LIN28B: variants seen among roughly 807,000 people sequenced by gnomAD.
LIN28B encodes the protein lin-28 RNA binding posttranscriptional regulator B, also known as protein lin-28 homolog B.
LIN28B carries 5 observed loss-of-function variants against 21.9 expected under a neutral mutation model. That is an observed-to-expected ratio of 0.23 (90% CI 0.12 to 0.48). LIN28B has a LOEUF of 0.48. LIN28B is among the 20% of genes least tolerant of loss of function. The pLI is 0.98. For missense variants in LIN28B, 245 were observed against 310.5 expected, an observed-to-expected ratio of 0.79 and a Z score of 1.58; for synonymous variants, 109 against 111.3, an observed-to-expected ratio of 0.98 and a Z score of 0.13.
intron 3 of LIN28B, among the ~76,000 whole-genome samples, chr6:104,951,586 A>G (rs1406282721): frequency 6.6e-6 from 1 of 151,966 alleles, no homozygotes; most frequent in African/African-American, 2.4e-5. Context: ...CAGTTCAGAG[A>G]CCTTTTTCTT....
At chr6:104,944,382 G>C (rs1170926389) in intron 2 of LIN28B, among the ~76,000 whole-genome samples, 1 of 151,934 alleles carries the variant, frequency 6.6e-6, no homozygotes, top group East Asian at 1.9e-4. Context: ...TGACACTACT[G>C]GTAAGATAGA....
At chr6:104,993,833 CAA>C (rs568787406) in intron 2 of LIN28B, among the ~76,000 whole-genome samples, 28 of 89,140 alleles carry the variant, frequency 3.1e-4, no homozygotes, top group African/African-American at 8.5e-4. Context: ...GAGATTGTCT[CAA>C]AAAAAAAAAA....
At chr6:104,985,233 A>G (rs1350836702) in intron 2 of LIN28B, among the ~76,000 whole-genome samples, 1 of 152,264 alleles carries the variant, frequency 6.6e-6, no homozygotes, top group Non-Finnish European at 1.5e-5. Context: ...TTTATTTAAT[A>G]TGAGCTTTAT....
intron 2 of LIN28B, among the ~76,000 whole-genome samples, chr6:104,973,636 G>A (rs1409201908): frequency 6.6e-6 from 1 of 152,320 alleles, no homozygotes; most frequent in East Asian, 1.9e-4. Flanking sequence ...CAGAAGTGTC[G>A]TTCCTTGACG....
chr6:105,028,229 G>A (rs1353965052), intron 3 of LIN28B, among the ~76,000 whole-genome samples: 2 of 152,158 alleles, frequency 1.3e-5, no homozygotes, highest in African/African-American at 4.8e-5. Flanking sequence ...TGAAGAGTAA[G>A]ATGGCAGGAC....
chr6:104,971,868 G>T (rs566229586), intron 2 of LIN28B, among the ~76,000 whole-genome samples: 1 of 152,198 alleles, frequency 6.6e-6, no homozygotes, highest in African/African-American at 2.4e-5. Context: ...TTGTCATTTT[G>T]ATTAGCAAGG....
chr6:105,027,536 G>T (rs1187595226), intron 3 of LIN28B, among the ~76,000 whole-genome samples: 1 of 151,642 alleles, frequency 6.6e-6, no homozygotes, highest in Admixed American at 6.6e-5. Flanking sequence ...TTTAGGATAT[G>T]AATCTTTCTT....
At chr6:104,997,259 C>T (rs1177324106) in intron 2 of LIN28B, among the ~76,000 whole-genome samples, 5 of 140,040 alleles carry the variant, frequency 3.6e-5, no homozygotes, top group African/African-American at 5.4e-5. Context: ...CCAGCCTGCG[C>T]GACAGAACGA....
chr6:105,053,462 A>G (rs570206744), intron 3 of LIN28B, among the ~76,000 whole-genome samples: 2 of 149,042 alleles, frequency 1.3e-5, no homozygotes, highest in South Asian at 2.1e-4. Context: ...TTAAATTTCA[A>G]CTGATTGTGG....
chr6:105,049,190 TG>T (rs1265030558), intron 3 of LIN28B, among the ~76,000 whole-genome samples: 1 of 152,218 alleles, frequency 6.6e-6, no homozygotes, highest in Non-Finnish European at 1.5e-5. Context: ...CCAGAGATTT[TG>T]GTTTGTCGTG....
At chr6:104,958,983 G>A (rs1769654480) in intron 2 of LIN28B, among the ~76,000 whole-genome samples, 1 of 152,154 alleles carries the variant, frequency 6.6e-6, no homozygotes, top group Non-Finnish European at 1.5e-5. Context: ...GCTCTTGCTT[G>A]TGTGTTTAAA....
chr6:105,058,339 T>A (rs1242073366), intron 3 of LIN28B, among the ~76,000 whole-genome samples: 1 of 152,190 alleles, frequency 6.6e-6, no homozygotes, highest in African/African-American at 2.4e-5. Flanking sequence ...GGTAACTACT[T>A]TTCATTGGTC....
chr6:105,073,643 T>A (rs1365909350), intron 3 of LIN28B, among the ~76,000 whole-genome samples: 1 of 152,206 alleles, frequency 6.6e-6, no homozygotes, highest in Non-Finnish European at 1.5e-5. Context: ...TCTTATTAAC[T>A]TAAAATGTTC....
At chr6:105,057,080 C>CT (rs1482402426) in intron 3 of LIN28B, among the ~76,000 whole-genome samples, 1 of 152,080 alleles carries the variant, frequency 6.6e-6, no homozygotes, top group African/African-American at 2.4e-5. Flanking sequence ...GTATTCATAA[C>CT]TTTTTTTGTA....
intron 3 of LIN28B, among the ~76,000 whole-genome samples, chr6:105,030,005 T>G (rs532250922): frequency 4.9e-4 from 75 of 152,256 alleles, no homozygotes; most frequent in Middle Eastern, 3.4e-3. Flanking sequence ...TGGTCAGAAG[T>G]GAATAACTGT....
In LIN28B at chr6:104,958,131, G is replaced by A; in HGVS notation, c.43G>A (p.Gly15Arg). 16 of 1,603,568 alleles carry A rather than the reference G, an allele frequency of 1.0e-5. No individual in the cohort carries two copies. The highest frequency in any genetic ancestry group is 1.4e-5 in the Non-Finnish European group (16 of 1,172,566). ...GASKGGGEEP[G>R]KLPEPAEEES... ...TAGCAAAGGTGGTGGAGAAGAGCCC[G>A]GGAAGCTGCCGGAGCCGGCAGAGGA... Residue 15 changes from glycine (G) to arginine (R), a missense_variant, in exon 2 of 4, where the codon GGG becomes AGG. Physicochemically the swap from Gly to Arg is moderately radical, Grantham distance 125. Transcript: ENST00000345080.
intron 3 of LIN28B, among the ~76,000 whole-genome samples, chr6:105,045,114 A>G (rs967922113): frequency 6.6e-6 from 1 of 152,166 alleles, no homozygotes; most frequent in African/African-American, 2.4e-5. Flanking sequence ...CACATCATAG[A>G]TTGAGAAAAG....
chr6:105,023,832 A>G (rs1582902596), intron 2 of LIN28B, among the ~76,000 whole-genome samples: 1 of 149,188 alleles, frequency 6.7e-6, no homozygotes, highest in Admixed American at 6.9e-5. Context: ...CAGTTCACTT[A>G]TAAGATACCT....
Position 105,072,425 on chromosome 6 carries a change from T to C in LIN28B, c.384-5989T>C, listed in dbSNP as rs955737664. Among the ~76,000 whole-genome samples, 8 of 152,242 alleles carry C rather than the reference T, an allele frequency of 5.3e-5. No homozygotes were observed. In the South Asian group the frequency reaches 1.5e-3, roughly 28 times the overall value. On this transcript the variant is annotated intron_variant, in intron 3 of 3. Transcript: ENST00000345080. The stretch of plus-strand genomic sequence containing the variant: ...ATTTCTGTTATTACCATTTTAATTC[T>C]CTTAAAAGTAAAAGTATGTTTAGTC...
Sources: allele counts gnomAD v4.1 joint callset (sites outside exome capture counted in the v4.1 genomes callset), GRCh38; gene constraint gnomAD v4.1.1; transcripts MANE v1.5; gene names NCBI Gene and HGNC (gene_info 2026-07-23, HGNC 2026-07-21).